SPATA17: variants seen among roughly 807,000 people sequenced by gnomAD.
SPATA17 encodes spermatogenesis associated 17.
A neutral mutation model predicts 62.2 loss-of-function variants in SPATA17; 53 were observed. The ratio of observed to expected loss-of-function variants is 0.85; its 90% CI spans 0.68 to 1.07. SPATA17 has a LOEUF of 1.07. Among genes scored for constraint, SPATA17 ranks in the 50% least tolerant of loss-of-function variants. The probability of loss-of-function intolerance (pLI) is 0.00; values close to 1 mark genes in which losing one functional copy is unlikely to be tolerated. For missense variants in SPATA17, 466 were observed against 425.5 expected (o/e 1.10, Z -0.84); for synonymous variants, 146 against 146.8 (o/e 0.99, Z 0.04).
chr1:217,831,780 G>T (rs1166898101), intron 9 of SPATA17, among the ~76,000 whole-genome samples: 2 of 152,078 alleles, frequency 1.3e-5, no homozygotes, highest in Non-Finnish European at 2.9e-5. Context: ...TATAGATCAG[G>T]ATGACATTTA....
At chr1:217,790,993 A>G (rs1242388449) in intron 8 of SPATA17, among the ~76,000 whole-genome samples, 4 of 152,112 alleles carry the variant, frequency 2.6e-5, no homozygotes, top group Non-Finnish European at 1.5e-5. Flanking sequence ...AAATTTGCAT[A>G]TTTTCTGAAC....
chr1:217,779,144 T>TTGTGTGTGTGTG (rs55714817), intron 7 of SPATA17, among the ~76,000 whole-genome samples: 14 of 148,482 alleles, frequency 9.4e-5, no homozygotes, highest in African/African-American at 3.2e-4. Context: ...GTAAAACAAC[T>TTGTGTGTGTGTG]TGTGTGTGTG....
intron 1 of SPATA17, among the ~76,000 whole-genome samples, chr1:217,636,050 TTGAACCCTAGAGGTGGAGGTTGCAG>T (rs1168644178): frequency 6.9e-6 from 1 of 145,034 alleles, no homozygotes; most frequent in African/African-American, 2.6e-5. Flanking sequence ...GGAGAATCAC[TTGAACCCTAGAGGTGGAGGTTGCAG>T]TGAGCCGAGA....
At chr1:217,730,134 A>G (rs1461973746) in intron 5 of SPATA17, among the ~76,000 whole-genome samples, 1 of 152,196 alleles carries the variant, frequency 6.6e-6, no homozygotes, top group Non-Finnish European at 1.5e-5. Context: ...AGTTTTTTCT[A>G]GCACTGATCC....
intron 9 of SPATA17, among the ~76,000 whole-genome samples, chr1:217,811,626 G>A (rs1332860263): frequency 1.3e-5 from 2 of 151,292 alleles, no homozygotes; most frequent in Non-Finnish European, 2.9e-5. Flanking sequence ...TTGGGCGGCG[G>A]AGGTTGGAGT....
At chr1:217,841,650 C>T (rs542113578) in intron 9 of SPATA17, among the ~76,000 whole-genome samples, 33 of 151,972 alleles carry the variant, frequency 2.2e-4, no homozygotes, top group African/African-American at 6.5e-4. Context: ...TGTCCAAGCA[C>T]GGTGGCTCAT....
intron 3 of SPATA17, among the ~76,000 whole-genome samples, chr1:217,660,333 C>T (rs192109683): frequency 7.4e-4 from 113 of 152,290 alleles, no homozygotes; most frequent in African/African-American, 2.5e-3. Flanking sequence ...TTGGAAGCTC[C>T]TGAGTAGCAG....
chr1:217,863,805 T>C (rs991112656), intron 10 of SPATA17, among the ~76,000 whole-genome samples: 4 of 152,122 alleles, frequency 2.6e-5, no homozygotes. Context: ...TTAAAGAATG[T>C]ATTGGGTGAA....
At chr1:217,840,233 G>A (rs1675361028) in intron 9 of SPATA17, among the ~76,000 whole-genome samples, 1 of 152,056 alleles carries the variant, frequency 6.6e-6, no homozygotes. Context: ...ATGTCTTTTT[G>A]CTATTGCTGT....
At chr1:217,764,631 G>GC (rs1673253968) in intron 6 of SPATA17, among the ~76,000 whole-genome samples, 1 of 152,046 alleles carries the variant, frequency 6.6e-6, no homozygotes, top group Non-Finnish European at 1.5e-5. Flanking sequence ...GTTTAGTTTT[G>GC]TAAAAAACTG....
At chr1:217,667,587 G>GA (rs1217658998) in intron 3 of SPATA17, among the ~76,000 whole-genome samples, 1 of 152,132 alleles carries the variant, frequency 6.6e-6, no homozygotes, top group Non-Finnish European at 1.5e-5. Flanking sequence ...TAAAAGCAAA[G>GA]CCAGGAATTG....
chr1:217,743,771 G>A (rs949366071), intron 6 of SPATA17, among the ~76,000 whole-genome samples: 18 of 151,938 alleles, frequency 1.2e-4, no homozygotes, highest in East Asian at 1.9e-4. Flanking sequence ...CACCATGCCA[G>A]GCTAATTTTT....
At chr1:217,802,491 G>T (rs1048994013) in intron 9 of SPATA17, among the ~76,000 whole-genome samples, 1 of 152,050 alleles carries the variant, frequency 6.6e-6, no homozygotes, top group Non-Finnish European at 1.5e-5. Context: ...TGAGATTCCT[G>T]CCAACATAGT....
At chr1:217,833,540 C>CCTTCCTTCA (rs1270530575) in intron 9 of SPATA17, among the ~76,000 whole-genome samples, 1 of 152,190 alleles carries the variant, frequency 6.6e-6, no homozygotes, top group Non-Finnish European at 1.5e-5. Context: ...CAAGTCACTA[C>CCTTCCTTCA]CTTCCTTCAC....
chr1:217,757,187 G>C (rs990377608), intron 6 of SPATA17, among the ~76,000 whole-genome samples: 5 of 152,186 alleles, frequency 3.3e-5, no homozygotes, highest in African/African-American at 1.2e-4. Flanking sequence ...ACAGGTGTTA[G>C]AGCCCAATAC....
At chr1:217,792,515 A>G (rs2102982702) in intron 8 of SPATA17, among the ~76,000 whole-genome samples, 1 of 152,206 alleles carries the variant, frequency 6.6e-6, no homozygotes, top group Admixed American at 6.5e-5. Context: ...TCTTTCCCAT[A>G]AATCTTTAGC....
At chr1:217,672,651 T>C (rs939558134) in intron 4 of SPATA17, among the ~76,000 whole-genome samples, 1 of 152,180 alleles carries the variant, frequency 6.6e-6, no homozygotes, top group African/African-American at 2.4e-5. Context: ...AAATTATATG[T>C]ATGTGATTTT....
chr1:217,753,582 G>A (rs1672967060), intron 6 of SPATA17, among the ~76,000 whole-genome samples: 1 of 150,966 alleles, frequency 6.6e-6, no homozygotes, highest in Non-Finnish European at 1.5e-5. Context: ...TAGTTATTGG[G>A]TATTAAAAAG....
intron 5 of SPATA17, among the ~76,000 whole-genome samples, chr1:217,696,386 A>G (rs1173571810): frequency 6.6e-6 from 1 of 151,974 alleles, no homozygotes; most frequent in Non-Finnish European, 1.5e-5. Flanking sequence ...GCCTGCGCCC[A>G]CTGTCTGGCA....
Sources: gnomAD v4.1 joint callset for allele counts (sites outside exome capture counted in the v4.1 genomes callset) on GRCh38, gnomAD v4.1.1 for gene constraint, MANE v1.5 for transcripts, NCBI Gene and HGNC (gene_info 2026-07-23, HGNC 2026-07-21) for gene names.